Variants in SYN1 observed in about 807,000 individuals in gnomAD.
SYN1 encodes the protein synapsin I, also known as synapsin-1.
A neutral mutation model predicts 44.6 loss-of-function variants in SYN1; 8 were observed. The observed-to-expected ratio is 0.18, with a 90% CI of 0.11 to 0.32. The LOEUF (loss-of-function observed/expected upper bound fraction) is 0.32. Among genes scored for constraint, SYN1 ranks in the 10% least tolerant of loss-of-function variants. The pLI, the probability that SYN1 is intolerant of heterozygous loss-of-function variation, is 1.00. For synonymous variants in SYN1, 275 were observed against 280.1 expected, an observed-to-expected ratio of 0.98 and a Z score of 0.18; for missense variants, 451 against 639.4, an observed-to-expected ratio of 0.71 and a Z score of 3.18.
intron 5 of SYN1, among the ~76,000 whole-genome samples, chrX:47,581,707 T>C (rs1171087375): frequency 1.8e-5 from 2 of 111,797 alleles, no homozygotes; most frequent in African/African-American, 6.5e-5. Context: ...ATCTCAGAGA[T>C]TTGTTGTGAG....
At chrX:47,581,264 T>A (rs2057797435) in intron 5 of SYN1, among the ~76,000 whole-genome samples, 1 of 112,313 alleles carries the variant, frequency 8.9e-6, no homozygotes, top group African/African-American at 3.2e-5. Flanking sequence ...AAGTGCTCAA[T>A]AAGTGGCTGC....
At chrX:47,607,228 T>G (rs756304616) in intron 1 of SYN1, 30 bp from the exon 2 acceptor site, 4 of 1,193,102 alleles carry the variant, frequency 3.4e-6, no homozygotes, top group Non-Finnish European at 3.4e-6. Context: ...CATCTGTCAA[T>G]GATGAAATCT....
chrX:47,615,960 T>TA (rs1253546129), intron 1 of SYN1, among the ~76,000 whole-genome samples: 1 of 111,085 alleles, frequency 9.0e-6, no homozygotes, highest in East Asian at 2.8e-4. Context: ...AGTCTCAACT[T>TA]AGAGTTTTCA....
chrX:47,606,893 G>C, intron 3 of SYN1, 52 bp downstream of exon 3: 1 of 1,127,236 alleles, frequency 8.9e-7, no homozygotes, highest in Non-Finnish European at 1.2e-6. Context: ...CAGCTCTAAG[G>C]GAGAGTTCTT....
chrX:47,607,677 G>A (rs952216946), intron 1 of SYN1, among the ~76,000 whole-genome samples: 8 of 96,107 alleles, frequency 8.3e-5, no homozygotes, highest in Non-Finnish European at 1.4e-4. Context: ...CCAAGGGTTG[G>A]AGACCACCCT....
intron 5 of SYN1, among the ~76,000 whole-genome samples, chrX:47,591,999 A>G (rs542830549): frequency 5.7e-4 from 64 of 111,680 alleles, no homozygotes; most frequent in African/African-American, 1.8e-3. Context: ...TCTTCCTTTA[A>G]TCTGTCAGCC....
At chrX:47,605,752 C>A (rs1411736401) in intron 3 of SYN1, among the ~76,000 whole-genome samples, 1 of 111,168 alleles carries the variant, frequency 9.0e-6, no homozygotes, top group African/African-American at 3.3e-5. Flanking sequence ...GCACTTCCCC[C>A]CTAGATATCT....
intron 5 of SYN1, among the ~76,000 whole-genome samples, chrX:47,592,956 C>T (rs1293558112): frequency 1.8e-5 from 2 of 110,735 alleles, no homozygotes; most frequent in Non-Finnish European, 3.8e-5. Flanking sequence ...CTCACTGCAG[C>T]CTCAAACTCC....
intron 1 of SYN1, among the ~76,000 whole-genome samples, chrX:47,609,043 C>T (rs2057909639): frequency 9.1e-6 from 1 of 110,389 alleles, no homozygotes; most frequent in Non-Finnish European, 1.9e-5. Flanking sequence ...CACACACCAT[C>T]GCTGACACTA....
chrX:47,617,265 T>C (rs1324313024), intron 1 of SYN1, among the ~76,000 whole-genome samples: 2 of 110,896 alleles, frequency 1.8e-5, no homozygotes, highest in East Asian at 5.6e-4. Context: ...TAGGCTGAAG[T>C]AGACCCCTAG....
chrX:47,582,412 ATCC>A (rs2057802028), intron 5 of SYN1: 1 of 229,121 alleles, frequency 4.4e-6, no homozygotes. Flanking sequence ...GTGGACATTT[ATCC>A]TCTAGCGCTC....
At chrX:47,573,597 G>A (rs948885095) in intron 12 of SYN1, among the ~76,000 whole-genome samples, 3 of 110,865 alleles carry the variant, frequency 2.7e-5, no homozygotes, top group Admixed American at 9.5e-5. Flanking sequence ...CAGATGATAG[G>A]AGGACTAGGA....
chrX:47,607,296 GA>G, intron 1 of SYN1, 98 bp from the exon 2 acceptor site: 1 of 735,390 alleles, frequency 1.4e-6, no homozygotes, highest in East Asian at 3.2e-5. Flanking sequence ...TGCTACTAAA[GA>G]AACCACAAAG....
At chrX:47,594,235 C>CA (rs763500888) in intron 5 of SYN1, among the ~76,000 whole-genome samples, 7,721 of 82,605 alleles carry the variant, frequency 0.093, 659 homozygotes, top group African/African-American at 0.25. Context: ...GACTCTATCT[C>CA]AAAAAAAAAA....
At chrX:47,593,413 C>T (rs972438243) in intron 5 of SYN1, among the ~76,000 whole-genome samples, 1 of 108,351 alleles carries the variant, frequency 9.2e-6, no homozygotes, top group Non-Finnish European at 1.9e-5. Context: ...GGACTACAGG[C>T]GCACACCACC....
At chrX:47,617,898 T>G (rs1432585401) in intron 1 of SYN1, among the ~76,000 whole-genome samples, 1 of 109,152 alleles carries the variant, frequency 9.2e-6, no homozygotes, top group Non-Finnish European at 1.9e-5. Context: ...CTTTGGGGAG[T>G]GGGGCTGGGG....
chrX:47,607,197 C>A lies in SYN1; in HGVS notation c.379G>T (p.Ala127Ser). The change falls in exon 2 of 13, where the codon GCA (alanine) becomes TCA (serine). Residue 127 changes from alanine to serine, a missense_variant and splice_region_variant. Around this residue, in one of 3 missense-constraint regions of SYN1, gnomAD observed 315 missense variants for 451.4 expected, o/e 0.70. Transcript: ENST00000295987. ...LVIDEPHTDW[A>S]KYFKGKKIHG... is the part of the protein sequence containing the mutation. ...ATCTTTTTCCCTTTGAAGTATTTTG[C>A]CCTGGAGAGGAAAAACAACACATCT... The A allele has an allele frequency of 8.3e-7, 1 of 1,209,888 alleles. No homozygotes were observed. Among genetic ancestry groups the A allele is most frequent in the East Asian group, 3.0e-5 (1 of 33,825 alleles).
At chrX:47,611,202 T>C (rs765316619) in intron 1 of SYN1, among the ~76,000 whole-genome samples, 1 of 112,255 alleles carries the variant, frequency 8.9e-6, no homozygotes, top group East Asian at 2.8e-4. Flanking sequence ...CCCCATGCCC[T>C]GAACAAAACA....
intron 5 of SYN1, chrX:47,586,059 C>T (rs987630671): frequency 1.0e-6 from 1 of 966,030 alleles, no homozygotes; most frequent in East Asian, 6.2e-5. Context: ...TGTTGCTCTG[C>T]AGCTCTGACT....
Sources: gnomAD v4.1 joint callset for allele counts (sites outside exome capture counted in the v4.1 genomes callset) on GRCh38, gnomAD v4.1.1 for gene constraint, gnomAD v4.1.1 regional missense constraint, MANE v1.5 for transcripts, NCBI Gene and HGNC (gene_info 2026-07-23, HGNC 2026-07-21) for gene names.